The following ICA1 variants were observed in gnomAD, a reference collection of about 807,000 sequenced individuals.
ICA1 encodes 69 kDa islet cell autoantigen.
Under a neutral mutation model 71.0 loss-of-function variants are expected in ICA1, and 40 were observed. The ratio of observed to expected loss-of-function variants is 0.56; its 90% CI spans 0.44 to 0.73. The LOEUF (loss-of-function observed/expected upper bound fraction) is 0.73. ICA1 is among the 30% of genes least tolerant of loss of function. ICA1 has a pLI of 0.00. For missense variants in ICA1, 578 were observed against 576.5 expected (o/e 1.00, Z -0.03); for synonymous variants, 207 against 209.5 (o/e 0.99, Z 0.10).
chr7:8,169,901 A>AGAGTGTGTGTGTGT (rs1554305271), intron 6 of ICA1, among the ~76,000 whole-genome samples: 2 of 147,086 alleles, frequency 1.4e-5, no homozygotes, highest in South Asian at 2.2e-4. Flanking sequence ...TTAATGCCTG[A>AGAGTGTGTGTGTGT]GTGTGTGTGT....
At chr7:8,261,779 C>G (rs943035884) in intron 1 of ICA1, among the ~76,000 whole-genome samples, 3 of 152,126 alleles carry the variant, frequency 2.0e-5, no homozygotes, top group East Asian at 1.9e-4. Context: ...GCATGGGTGC[C>G]GGTGCTCCCA....
intron 1 of ICA1, among the ~76,000 whole-genome samples, chr7:8,236,585 C>T (rs1295653997): frequency 2.6e-5 from 4 of 152,016 alleles, no homozygotes; most frequent in Admixed American, 2.0e-4. Context: ...AAAAATAGAA[C>T]AAAATTTTAA....
intron 1 of ICA1, among the ~76,000 whole-genome samples, chr7:8,254,887 G>C (rs1209558329): frequency 6.6e-6 from 1 of 152,188 alleles, no homozygotes. Context: ...TCAGGGAGCA[G>C]TGGGAAGAAA....
At chr7:8,230,749 C>A (rs1800021126) in intron 3 of ICA1, among the ~76,000 whole-genome samples, 1 of 152,160 alleles carries the variant, frequency 6.6e-6, no homozygotes. Flanking sequence ...ACAATCGAAA[C>A]AGATGCTTCC....
intron 6 of ICA1, among the ~76,000 whole-genome samples, chr7:8,202,782 G>A (rs1236257073): frequency 6.6e-6 from 1 of 152,186 alleles, no homozygotes; most frequent in East Asian, 1.9e-4. Context: ...AAATGATGGA[G>A]GCATCTGTAG....
chr7:8,225,648 A>G (rs1214856500), intron 4 of ICA1, among the ~76,000 whole-genome samples: 1 of 152,226 alleles, frequency 6.6e-6, no homozygotes, highest in Admixed American at 6.5e-5. Context: ...ATGAATGTAC[A>G]CTAACCCATG....
chr7:8,255,256 T>C (rs900377358), intron 1 of ICA1, among the ~76,000 whole-genome samples: 3 of 150,508 alleles, frequency 2.0e-5, no homozygotes, highest in African/African-American at 7.3e-5. Flanking sequence ...CTCTGGTTCC[T>C]TTCTCCACCA....
At chr7:8,160,074 C>T (rs576901663) in intron 6 of ICA1, among the ~76,000 whole-genome samples, 1 of 152,238 alleles carries the variant, frequency 6.6e-6, no homozygotes, top group South Asian at 2.1e-4. Context: ...TGGCGCAAAG[C>T]AGGTACTGAA....
At position 8,190,261 on chromosome 7, in the gene ICA1, C is replaced by T. The variant is rs138710889; in HGVS notation, c.579+28044G>A. 4.4e-3 allele frequency among the ~76,000 whole-genome samples: 666 copies of T among 151,866 alleles called. 4 individuals carry two copies. The highest frequency in any genetic ancestry group is 0.015 in the African/African-American group (640 of 41,434). On this transcript the variant is annotated intron_variant, in intron 6 of 13. Transcript: ENST00000402384. ...GTCAGATTAGGAACATTTGGAAAGT[C>T]CTTACTCTCCGAGTGGGCTGAAACC...
At chr7:8,189,405 G>C (rs1441048284) in intron 6 of ICA1, among the ~76,000 whole-genome samples, 1 of 152,196 alleles carries the variant, frequency 6.6e-6, no homozygotes, top group Non-Finnish European at 1.5e-5. Context: ...TTTAGTGCTA[G>C]AGCTGGACCC....
rs1801170105 is a variant in ICA1 at position 8,234,306 on chromosome 7, A to C, written c.18-1551T>G. The stretch of plus-strand genomic sequence containing the variant: ...TGTGTAAAAGTGATTGGAGTACCCC[A>C]AATATGGCTGGAAAGTTTGCTGATG... On this transcript the variant is annotated intron_variant, in intron 2 of 13. Coordinates refer to ENST00000402384, the MANE Select transcript of ICA1 (RefSeq NM_001136020.3). This position sits in a 1 kb window ranked among gnomAD's most constrained non-coding sequence, Gnocchi z 4.5. 6.6e-6 allele frequency among the ~76,000 whole-genome samples: 1 copy of C among 152,228 alleles called. No individual in the cohort carries two copies. Among genetic ancestry groups the C allele is most frequent in the Non-Finnish European group, 1.5e-5 (1 of 68,030 alleles).
chr7:8,136,621 G>A (rs576770353), intron 12 of ICA1, among the ~76,000 whole-genome samples: 1 of 152,216 alleles, frequency 6.6e-6, no homozygotes, highest in African/African-American at 2.4e-5. Context: ...CCTGAAGAAG[G>A]GCTGTGTGGG....
At chr7:8,124,881 T>G (rs1037289688) in intron 13 of ICA1, among the ~76,000 whole-genome samples, 6 of 151,854 alleles carry the variant, frequency 4.0e-5, no homozygotes, top group African/African-American at 7.3e-5. Context: ...CTCTACCTCC[T>G]GGATTCAAAT....
chr7:8,149,548 T>A (rs1798116338), intron 8 of ICA1, among the ~76,000 whole-genome samples: 1 of 152,204 alleles, frequency 6.6e-6, no homozygotes, highest in Admixed American at 6.5e-5. Flanking sequence ...ACTTCCTGTA[T>A]TAGGAAAATA....
chr7:8,191,294 AC>A (rs1777926349), intron 6 of ICA1, among the ~76,000 whole-genome samples: 1 of 152,238 alleles, frequency 6.6e-6, no homozygotes, highest in African/African-American at 2.4e-5. Context: ...GTAATATTGT[AC>A]AGACAGTCCT....
chr7:8,208,369 C>A (rs1792370034), intron 6 of ICA1, among the ~76,000 whole-genome samples: 1 of 151,764 alleles, frequency 6.6e-6, no homozygotes. Context: ...TAAATAAAAC[C>A]CATGCTCTAT....
chr7:8,207,727 T>G (rs908773303), intron 6 of ICA1, among the ~76,000 whole-genome samples: 4 of 152,170 alleles, frequency 2.6e-5, no homozygotes, highest in African/African-American at 9.7e-5. Flanking sequence ...CAGCCTCCAT[T>G]TCCTCATTTC....
intron 4 of ICA1, chr7:8,227,591 C>G: frequency 2.6e-6 from 1 of 388,692 alleles, no homozygotes; most frequent in East Asian, 7.7e-5. Flanking sequence ...TTTGGACTTT[C>G]CTGAAGTAGT....
At chr7:8,227,964 G>A in intron 4 of ICA1, 1 of 345,100 alleles carries the variant, frequency 2.9e-6, no homozygotes, top group South Asian at 2.3e-5. Context: ...CTGAAAAGGG[G>A]TTTGGCAGCA....
Sources: allele counts gnomAD v4.1 joint callset (sites outside exome capture counted in the v4.1 genomes callset), GRCh38; gene constraint gnomAD v4.1.1; non-coding constraint Gnocchi (gnomAD v3.1); transcripts MANE v1.5; gene names NCBI Gene and HGNC (gene_info 2026-07-23, HGNC 2026-07-21).